Variants in NCOR1 observed in about 807,000 individuals in gnomAD.
NCOR1 encodes nuclear receptor corepressor 1, also known as protein phosphatase 1, regulatory subunit 109.
A neutral mutation model predicts 288.1 loss-of-function variants in NCOR1; 63 were observed. The observed-to-expected ratio is 0.22, with a 90% CI of 0.18 to 0.27. NCOR1 has a LOEUF of 0.27. Among genes scored for constraint, NCOR1 ranks in the 10% least tolerant of loss-of-function variants. The probability of loss-of-function intolerance (pLI) is 1.00; values close to 1 mark genes in which losing one functional copy is unlikely to be tolerated. For missense variants in NCOR1, 2,397 were observed against 3,019.2 expected, an observed-to-expected ratio of 0.79 and a Z score of 4.83; for synonymous variants, 1,007 against 1,065.9, an observed-to-expected ratio of 0.94 and a Z score of 1.08.
chr17:16,148,222 T>C (rs1312895019), intron 9 of NCOR1, among the ~76,000 whole-genome samples: 3 of 152,130 alleles, frequency 2.0e-5, no homozygotes, highest in Admixed American at 6.6e-5. Context: ...CTCACCACAC[T>C]GCCAGCTCAG....
intron 42 of NCOR1, chr17:16,044,999 G>GAA (rs112069615): frequency 1.7e-3 from 488 of 292,982 alleles, no homozygotes; most frequent in South Asian, 3.0e-3. Context: ...CTGAACTTAA[G>GAA]AAAAAAAAAA....
chr17:16,033,789 C>T (rs940722241), intron 45 of NCOR1, among the ~76,000 whole-genome samples: 3 of 152,036 alleles, frequency 2.0e-5, no homozygotes, highest in Non-Finnish European at 4.4e-5. Context: ...ATGTAGTGAA[C>T]GTACAGACAG....
In NCOR1 at chr17:16,070,283, T is replaced by C; in HGVS notation, c.4395A>G (p.Glu1465=). 6.2e-7 allele frequency: 1 copy of C among 1,614,072 alleles called. No homozygotes were observed. Among genetic ancestry groups the C allele is most frequent in the Non-Finnish European group, 8.5e-7 (1 of 1,180,008 alleles). The change falls in exon 31 of 46, where the codon GAA becomes GAG. Residue 1465 remains glutamate (E), a synonymous_variant. Transcript: ENST00000268712. ...CAGGGCTCAGTTGTGCTTTGGGAGC[T>C]TCATGCAGTGTGGACCTAAGAACGG... ...GPSVLRSTLH[E]APKAQLSPGI...
chr17:16,136,821 A>AGAAAGAAAG (rs201314008), intron 14 of NCOR1, among the ~76,000 whole-genome samples: 4 of 139,342 alleles, frequency 2.9e-5, no homozygotes, highest in Non-Finnish European at 4.7e-5. Flanking sequence ...AAAAAAAAAA[A>AGAAAGAAAG]AAAAAAAGAA....
chr17:16,127,351 A>G (rs370735752), intron 14 of NCOR1, among the ~76,000 whole-genome samples: 2,331 of 63,338 alleles, frequency 0.037, 756 homozygotes, highest in African/African-American at 0.12. Context: ...GTATGTATAT[A>G]TGTATGTATA....
At position 16,039,493 on chromosome 17, in the gene NCOR1, T is replaced by C. The variant is rs770888727; in HGVS notation, c.6895A>G (p.Thr2299Ala). Reference sequence around the variant, plus strand: ...GTCTCACCACTGGTCACAACTGAGGTGTTGGCAGTACCAGGCACTACTCCC... The same window carrying C: ...GTCTCACCACTGGTCACAACTGAGGCGTTGGCAGTACCAGGCACTACTCCC... Reference protein sequence around the residue: ...PMGVVPGTANTSVVTSGETRR... With the variant: ...PMGVVPGTANASVVTSGETRR... Residue 2299 changes from threonine (T) to alanine (A), a missense_variant, in exon 44 of 46, where the codon ACC (threonine) becomes GCC (alanine). By Grantham distance (58) the Thr-to-Ala change is moderately conservative. Transcript: ENST00000268712. 6.2e-7 allele frequency: 1 copy of C among 1,614,078 alleles called. No homozygotes were observed. Among genetic ancestry groups the C allele is most frequent in the Non-Finnish European group, 8.5e-7 (1 of 1,180,014 alleles).
At chr17:16,119,919 G>A (rs1262288969) in intron 16 of NCOR1, among the ~76,000 whole-genome samples, 1 of 152,000 alleles carries the variant, frequency 6.6e-6, no homozygotes, top group Non-Finnish European at 1.5e-5. Context: ...GTTCATCCCC[G>A]AGTGTCTGAC....
At chr17:16,146,991 G>A (rs377103789) in intron 9 of NCOR1, among the ~76,000 whole-genome samples, 25 of 152,030 alleles carry the variant, frequency 1.6e-4, no homozygotes, top group African/African-American at 4.4e-4. Flanking sequence ...AAACACACAC[G>A]CTTTAACCGA....
At chr17:16,105,720 AAAACAAACAAACAAAC>A (rs34862194) in intron 19 of NCOR1, among the ~76,000 whole-genome samples, 1 of 150,978 alleles carries the variant, frequency 6.6e-6, no homozygotes, top group African/African-American at 2.4e-5. Context: ...AAGTCTCCAA[AAAACAAACAAACAAAC>A]AAACAAACAA....
intron 8 of NCOR1, 55 bp from the exon 9 acceptor site, chr17:16,149,572 G>T: frequency 4.9e-6 from 4 of 820,548 alleles, no homozygotes; most frequent in East Asian, 2.8e-5. Context: ...ATTTAATAAT[G>T]CATTCACTTT....
Position 16,058,516 on chromosome 17 carries a change from G to A in NCOR1, c.5965C>T (p.Leu1989=). The change falls in exon 38 of 46, where the codon CTG becomes TTG. Residue 1989 remains leucine (L), a synonymous_variant. Transcript: ENST00000268712. ...ACAACCTCTGGCTGATAGGTCTGCA[G>A]TTTCTCCTGGGGTGGCGCAGGTGAG... is the stretch of plus-strand genomic sequence containing the variant. ...ASSPAPPQEK[L]QTYQPEVVKA... is the part of the protein sequence containing the mutation. 7.4e-6 allele frequency: 12 copies of A among 1,614,130 alleles called. No individual in the cohort carries two copies. Among genetic ancestry groups the A allele is most frequent in the Non-Finnish European group, 1.0e-5 (12 of 1,180,006 alleles).
Position 16,194,487 on chromosome 17 carries a change from G to A in NCOR1, c.83C>T (p.Thr28Ile). 6.2e-7 allele frequency: 1 copy of A among 1,609,352 alleles called. No homozygotes were observed. The highest frequency in any genetic ancestry group is 8.5e-7 in the Non-Finnish European group (1 of 1,177,196). ...SRYPPHSVQYTFPNTRHQQEF... is the reference protein window; with the variant it reads ...SRYPPHSVQYIFPNTRHQQEF... ...CTGCTGGTGGCGGGTGTTGGGAAAT[G>A]TATACTGGACAGAGTGAGGAGGATA... Residue 28 changes from threonine to isoleucine, a missense_variant, in exon 2 of 46, where the codon ACA (threonine) becomes ATA (isoleucine). By Grantham distance (89) the Thr-to-Ile change is moderately conservative. Coordinates refer to ENST00000268712, the MANE Select transcript of NCOR1 (RefSeq NM_006311.4).
chr17:16,189,361 T>A (rs1674650175), intron 2 of NCOR1, among the ~76,000 whole-genome samples: 1 of 152,094 alleles, frequency 6.6e-6, no homozygotes, highest in African/African-American at 2.4e-5. Context: ...GCCACTGTAC[T>A]TCAGCCTGGG....
chr17:16,149,292 C>CATATATATATATATATATATATAT (rs34511605), intron 9 of NCOR1, among the ~76,000 whole-genome samples, 159 bp downstream of exon 9: 15 of 137,952 alleles, frequency 1.1e-4, no homozygotes, highest in African/African-American at 3.8e-4. Context: ...AGATTTAAGT[C>CATATATATATATATATATATATAT]ATATATATAT....
At chr17:16,201,773 C>A (rs1335747807) in intron 1 of NCOR1, among the ~76,000 whole-genome samples, 1 of 151,974 alleles carries the variant, frequency 6.6e-6, no homozygotes, top group Admixed American at 6.6e-5. Flanking sequence ...CTCACTCACT[C>A]ACTCAACTTA....
intron 42 of NCOR1, among the ~76,000 whole-genome samples, chr17:16,043,726 T>G (rs1236724441): frequency 1.3e-5 from 2 of 152,186 alleles, no homozygotes; most frequent in Non-Finnish European, 2.9e-5. Flanking sequence ...TGCTCTGAGA[T>G]CTCTAGCTCT....
intron 42 of NCOR1, 106 bp downstream of exon 42, chr17:16,046,845 G>A (rs962747297): frequency 8.5e-5 from 110 of 1,292,024 alleles, no homozygotes; most frequent in Non-Finnish European, 1.1e-4. Flanking sequence ...TTGGACAGAT[G>A]TCCTGTAAAG....
chr17:16,106,881 ATATTTTTTTTTT>A (rs1449704629), intron 19 of NCOR1, among the ~76,000 whole-genome samples: 23 of 44,662 alleles, frequency 5.1e-4, no homozygotes, highest in South Asian at 4.5e-3. Flanking sequence ...ATATATATAT[ATATTTTTTTTTT>A]TTTTTTTTTT....
intron 18 of NCOR1, among the ~76,000 whole-genome samples, chr17:16,114,631 G>A (rs1405796896): frequency 6.6e-6 from 1 of 152,108 alleles, no homozygotes; most frequent in Non-Finnish European, 1.5e-5. Context: ...AGGGGCTATA[G>A]GGTCTATCCA....
Sources: gnomAD v4.1 joint callset for allele counts (sites outside exome capture counted in the v4.1 genomes callset) on GRCh38, gnomAD v4.1.1 for gene constraint, MANE v1.5 for transcripts, NCBI Gene and HGNC (gene_info 2026-07-23, HGNC 2026-07-21) for gene names.